Variants in ABI3BP observed in about 807,000 individuals in gnomAD.
The protein encoded by ABI3BP is target of Nesh-SH3.
A neutral mutation model predicts 268.6 loss-of-function variants in ABI3BP; 216 were observed. The observed-to-expected ratio is 0.80, with a 90% CI of 0.72 to 0.90. The LOEUF (loss-of-function observed/expected upper bound fraction) is 0.90. ABI3BP is among the 40% of genes least tolerant of loss of function. The pLI, the probability that ABI3BP is intolerant of heterozygous loss-of-function variation, is 0.00. For missense variants in ABI3BP, 2,090 were observed against 2,182.4 expected (o/e 0.96, Z 0.84); for synonymous variants, 730 against 730.0 (o/e 1.00, Z 0.00).
intron 19 of ABI3BP, 82 bp downstream of exon 19, chr3:100,847,520 C>T: frequency 1.7e-6 from 2 of 1,182,112 alleles, no homozygotes; most frequent in East Asian, 4.7e-5. Flanking sequence ...TAACAGGTAA[C>T]AGACATTACA....
At chr3:100,887,804 C>T (rs538947623) in intron 4 of ABI3BP, among the ~76,000 whole-genome samples, 4 of 151,916 alleles carry the variant, frequency 2.6e-5, no homozygotes. Context: ...AAGTGTCAAG[C>T]CTAAGCTCTT....
At chr3:100,798,351 G>A (rs1170789709) in intron 51 of ABI3BP, among the ~76,000 whole-genome samples, 1 of 152,100 alleles carries the variant, frequency 6.6e-6, no homozygotes, top group Admixed American at 6.6e-5. Context: ...AAAGTAATAT[G>A]AATCATTCTC....
At chr3:100,800,950 T>C (rs2097519201) in intron 51 of ABI3BP, among the ~76,000 whole-genome samples, 1 of 152,206 alleles carries the variant, frequency 6.6e-6, no homozygotes, top group African/African-American at 2.4e-5. Context: ...CACTAACCCA[T>C]TAATTACTGA....
intron 14 of ABI3BP, among the ~76,000 whole-genome samples, chr3:100,854,921 T>C (rs1314525724): frequency 1.4e-5 from 2 of 140,964 alleles, no homozygotes; most frequent in African/African-American, 5.5e-5. Context: ...AACTACTTTG[T>C]TAAATCATGT....
Position 100,943,227 on chromosome 3 carries a change from G to C in ABI3BP, c.80-16746C>G, listed in dbSNP as rs188055819. Among the ~76,000 whole-genome samples the C allele has an allele frequency of 4.2e-3, 645 of 152,094 alleles. 3 individuals are homozygous for C. The highest frequency in any genetic ancestry group is 0.014 in the African/African-American group (598 of 41,510). On this transcript the variant is annotated intron_variant, in intron 1 of 67. Transcript: ENST00000471714. ...CATAAGGCAGCAACCAAAAGTCAATGATTCCTGTCTTACTCATTTATCATG... is the reference window on the plus strand; with the variant it reads ...CATAAGGCAGCAACCAAAAGTCAATCATTCCTGTCTTACTCATTTATCATG...
At chr3:100,929,192 A>C (rs2062839911) in intron 1 of ABI3BP, among the ~76,000 whole-genome samples, 1 of 152,078 alleles carries the variant, frequency 6.6e-6, no homozygotes, top group Admixed American at 6.6e-5. Context: ...TTCATATTTG[A>C]CAAAGAGCCA....
Position 100,835,642 on chromosome 3 carries a change from T to C in ABI3BP, c.2150A>G (p.Glu717Gly). Reference sequence around the variant, plus strand: ...AGCCTCAGTTCTCACAGTTACAGGCTCAATGTCTGTGGTGGGAACTAACCA... The same window carrying C: ...AGCCTCAGTTCTCACAGTTACAGGCCCAATGTCTGTGGTGGGAACTAACCA... The part of the protein sequence containing the change: ...SMTIVPTTDI[E>G]PVTVRTEATV... The change falls in exon 28 of 68, where the codon GAG becomes GGG. Residue 717 changes from glutamate to glycine, a missense_variant. Transcript: ENST00000471714. 6.5e-7 allele frequency: 1 copy of C among 1,535,192 alleles called. No individual in the cohort carries two copies.
At chr3:100,868,671 C>T (rs980684101) in intron 9 of ABI3BP, among the ~76,000 whole-genome samples, 1 of 152,144 alleles carries the variant, frequency 6.6e-6, no homozygotes, top group South Asian at 2.1e-4. Context: ...ATTTAAAATG[C>T]CACCACTAAG....
intron 1 of ABI3BP, among the ~76,000 whole-genome samples, chr3:100,976,308 G>A (rs1001871884): frequency 6.6e-6 from 1 of 151,958 alleles, no homozygotes; most frequent in Non-Finnish European, 1.5e-5. Flanking sequence ...CCTACATAAA[G>A]CTTTTTCTTT....
intron 33 of ABI3BP, among the ~76,000 whole-genome samples, chr3:100,829,278 G>A (rs749192126): frequency 1.3e-5 from 2 of 152,090 alleles, no homozygotes; most frequent in Non-Finnish European, 2.9e-5. Context: ...TGTGACTTAC[G>A]TGACTCCTAT....
At chr3:100,849,005 A>G (rs2098808388) in intron 17 of ABI3BP, 130 bp from the exon 18 acceptor site, 3 of 752,478 alleles carry the variant, frequency 4.0e-6, no homozygotes, top group South Asian at 1.6e-5. Context: ...AATGTCCAGT[A>G]TACCTTGTTT....
chr3:100,858,094 A>G (rs535940758), intron 14 of ABI3BP, among the ~76,000 whole-genome samples: 2 of 152,350 alleles, frequency 1.3e-5, no homozygotes, highest in East Asian at 3.9e-4. Context: ...TTTGTGAAAT[A>G]TTGTCACAAG....
Position 100,796,605 on chromosome 3 carries a change from A to G in ABI3BP, c.3758-137T>C, listed in dbSNP as rs116391437. The G allele has an allele frequency of 4.4e-3, 2,440 of 549,536 alleles. 16 individuals are homozygous for G. Among genetic ancestry groups the G allele is most frequent in the Non-Finnish European group, 5.3e-3 (1,740 of 328,368 alleles). The allele number at this position is 549,536 out of a possible 1,614,324, so 34.0% of individuals were successfully genotyped here. The stretch of plus-strand genomic sequence containing the variant: ...ACAATGGTTAATGACCAAAGTTGAG[A>G]AGATGCCTGTTTTCTTCAAAATGGA... On this transcript the variant is annotated intron_variant, in intron 51 of 67. Coordinates refer to ENST00000471714, the MANE Select transcript of ABI3BP (RefSeq NM_001375547.2).
At chr3:100,880,932 A>C (rs2099223429) in intron 6 of ABI3BP, among the ~76,000 whole-genome samples, 1 of 152,146 alleles carries the variant, frequency 6.6e-6, no homozygotes, top group Admixed American at 6.5e-5. Context: ...GGAGCTGTCC[A>C]TTTGGGTAGT....
intron 1 of ABI3BP, among the ~76,000 whole-genome samples, chr3:100,949,951 A>C (rs961916110): frequency 6.6e-6 from 1 of 152,236 alleles, no homozygotes; most frequent in Non-Finnish European, 1.5e-5. Context: ...TCCAAATGTC[A>C]CCTTTTCTCC....
At chr3:100,916,094 C>G (rs2058532003) in intron 2 of ABI3BP, among the ~76,000 whole-genome samples, 1 of 152,110 alleles carries the variant, frequency 6.6e-6, no homozygotes, top group African/African-American at 2.4e-5. Context: ...TGTCTGTTAA[C>G]TGGTTTAAGC....
intron 4 of ABI3BP, among the ~76,000 whole-genome samples, chr3:100,893,081 C>G (rs1171088485): frequency 6.6e-6 from 1 of 152,158 alleles, no homozygotes; most frequent in African/African-American, 2.4e-5. Flanking sequence ...ATAAAGCAGG[C>G]AAAAGAAGTT....
chr3:100,896,664 A>G (rs2153468355), intron 4 of ABI3BP, among the ~76,000 whole-genome samples: 1 of 152,194 alleles, frequency 6.6e-6, no homozygotes, highest in East Asian at 1.9e-4. Flanking sequence ...ATAATTTTTA[A>G]AAAGAAAAAG....
At chr3:100,937,061 G>T (rs60650748) in intron 1 of ABI3BP, among the ~76,000 whole-genome samples, 2 of 151,978 alleles carry the variant, frequency 1.3e-5, no homozygotes, top group Non-Finnish European at 2.9e-5. Flanking sequence ...TATAAAAATA[G>T]GCAGTGGGCT....
Sources: gnomAD v4.1 joint callset for allele counts (sites outside exome capture counted in the v4.1 genomes callset) on GRCh38, gnomAD v4.1.1 for gene constraint, MANE v1.5 for transcripts, NCBI Gene and HGNC (gene_info 2026-07-23, HGNC 2026-07-21) for gene names.